The following MICAL2 variants were observed in gnomAD, a reference collection of about 807,000 sequenced individuals.
MICAL2 encodes microtubule associated monooxygenase, calponin and LIM domain containing 2, also known as [F-actin]-monooxygenase MICAL2.
In MICAL2, 77 loss-of-function variants were observed where a neutral mutation model predicts 127.3. The ratio of observed to expected loss-of-function variants is 0.60; its 90% CI spans 0.50 to 0.73. The LOEUF is 0.73. MICAL2 is among the 30% of genes least tolerant of loss of function. The pLI is 0.00. For missense variants in MICAL2, 1,351 were observed against 1,434.4 expected, an observed-to-expected ratio of 0.94 and a Z score of 0.94; for synonymous variants, 570 against 551.1, an observed-to-expected ratio of 1.03 and a Z score of -0.48.
At chr11:12,238,155 A>G (rs6485600) in intron 16 of MICAL2, among the ~76,000 whole-genome samples, 82,744 of 152,100 alleles carry the variant, frequency 0.54, 24,561 homozygotes, top group Middle Eastern at 0.8. Context: ...AAATGAACAC[A>G]TCTTTGTTGT....
chr11:12,310,518 T>C (rs1366425153), intron 29 of MICAL2, among the ~76,000 whole-genome samples: 1 of 152,242 alleles, frequency 6.6e-6, no homozygotes, highest in Non-Finnish European at 1.5e-5. Flanking sequence ...TTCTCTATTC[T>C]GTTCCATTGG....
intron 26 of MICAL2, chr11:12,260,779 C>G (rs997688312): frequency 2.0e-6 from 2 of 985,344 alleles, no homozygotes; most frequent in Non-Finnish European, 1.2e-6. Context: ...ATCTGTCCCC[C>G]TGGGAGGAGG....
At chr11:12,313,961 A>ATTTTTTTTTTTTT (rs60681621) in intron 29 of MICAL2, among the ~76,000 whole-genome samples, 4 of 43,778 alleles carry the variant, frequency 9.1e-5, no homozygotes, top group African/African-American at 2.8e-4. Flanking sequence ...TCTTGGTCTG[A>ATTTTTTTTTTTTT]TTTTTTTTTT....
At chr11:12,317,791 C>A (rs80311830) in intron 29 of MICAL2, among the ~76,000 whole-genome samples, 143 of 130,670 alleles carry the variant, frequency 1.1e-3, no homozygotes, top group Non-Finnish European at 9.5e-4. Context: ...GACTCCGTCT[C>A]AAAAAAAAAA....
chr11:12,323,836 G>A, intron 30 of MICAL2: 2 of 959,386 alleles, frequency 2.1e-6, no homozygotes, highest in Admixed American at 6.2e-5. Context: ...ATTGCAGAGA[G>A]TTCTACCAGA....
downstream of MICAL2, among the ~76,000 whole-genome samples, chr11:12,291,559 G>A (rs1315952398): frequency 1.3e-5 from 2 of 152,152 alleles, no homozygotes; most frequent in African/African-American, 2.4e-5. Flanking sequence ...GCTTGGCATG[G>A]GCCCACTCCA....
chr11:12,151,824 G>A (rs1387182606), intron 2 of MICAL2, among the ~76,000 whole-genome samples: 1 of 152,196 alleles, frequency 6.6e-6, no homozygotes, highest in African/African-American at 2.4e-5. Context: ...GGTCCAGGAG[G>A]AAGGAGCGGT....
At chr11:12,179,552 G>A (rs933524881) in intron 3 of MICAL2, among the ~76,000 whole-genome samples, 1 of 152,024 alleles carries the variant, frequency 6.6e-6, no homozygotes, top group African/African-American at 2.4e-5. Flanking sequence ...CCCATCCTTA[G>A]CCAATGCCTG....
At chr11:12,331,522 C>T (rs1864428514) in intron 32 of MICAL2, among the ~76,000 whole-genome samples, 4 of 152,144 alleles carry the variant, frequency 2.6e-5, no homozygotes, top group Admixed American at 2.6e-4. Context: ...GCGAAAGCCT[C>T]TCCAGGACCG....
intron 10 of MICAL2, 49 bp from the exon 11 acceptor site, chr11:12,222,568 C>A: frequency 6.2e-7 from 1 of 1,612,752 alleles, no homozygotes; most frequent in Non-Finnish European, 8.5e-7. Flanking sequence ...GGGACAAGGC[C>A]TGAGGTGGCA....
chr11:12,321,351 G>T (rs140228603), intron 30 of MICAL2, among the ~76,000 whole-genome samples: 318 of 152,274 alleles, frequency 2.1e-3, no homozygotes, highest in African/African-American at 7.5e-3. Context: ...TCTATCCCAT[G>T]CAGGTGTGTC....
intron 2 of MICAL2, among the ~76,000 whole-genome samples, chr11:12,141,954 C>T (rs1012446150): frequency 1.5e-4 from 23 of 152,312 alleles, no homozygotes; most frequent in South Asian, 6.2e-4. Flanking sequence ...CTGAAAAGAA[C>T]GACAGATCCT....
rs753699479 is a variant in MICAL2 at position 12,220,351 on chromosome 11, G to A, written c.1099G>A (p.Ala367Thr). The A allele has an allele frequency of 7.4e-6, 12 of 1,614,118 alleles. No individual in the cohort carries two copies. Among genetic ancestry groups the A allele is most frequent in the African/African-American group, 6.7e-5 (5 of 74,942 alleles). ...GAACCACTATGGGCAGCCTGATGTG[G>A]CCATGTTTGACTTTACCTGCATGTA... The part of the protein sequence containing the change: ...AMNHYGQPDV[A>T]MFDFTCMYAS... The change falls in exon 9 of 28, where the codon GCC (alanine) becomes ACC (threonine). Residue 367 changes from alanine (A) to threonine (T), a missense_variant. By Grantham distance (58) the Ala-to-Thr change is moderately conservative. Around this residue, in one of 2 missense-constraint regions of MICAL2, gnomAD observed 599 missense variants for 714.9 expected, o/e 0.84. Coordinates refer to ENST00000683283, the MANE Select transcript of MICAL2 (RefSeq NM_001282663.2).
At chr11:12,119,148 G>C (rs1850294463) in intron 1 of MICAL2, among the ~76,000 whole-genome samples, 1 of 152,104 alleles carries the variant, frequency 6.6e-6, no homozygotes, top group South Asian at 2.1e-4. Context: ...CCTGGGCTCT[G>C]GGTTCCCCCC....
intron 34 of MICAL2, among the ~76,000 whole-genome samples, chr11:12,357,374 T>G (rs139038092): frequency 0.016 from 2,447 of 152,118 alleles, 27 homozygotes; most frequent in South Asian, 0.025. Flanking sequence ...CAATCCTATC[T>G]CCCCCAGGCA....
At chr11:12,259,765 C>A in intron 25 of MICAL2, 30 bp from the exon 26 acceptor site, 1 of 1,517,988 alleles carries the variant, frequency 6.6e-7, no homozygotes, top group South Asian at 1.3e-5. Flanking sequence ...GACTTACAGA[C>A]AAATGCCCTC....
chr11:12,324,822 G>A (rs527907273), intron 31 of MICAL2, among the ~76,000 whole-genome samples: 2 of 152,136 alleles, frequency 1.3e-5, no homozygotes, highest in Non-Finnish European at 1.5e-5. Context: ...ACCCTTCCCC[G>A]TGGCTGACTT....
intron 1 of MICAL2, among the ~76,000 whole-genome samples, chr11:12,135,483 C>T (rs979447944): frequency 9.9e-5 from 15 of 152,162 alleles, no homozygotes; most frequent in African/African-American, 3.6e-4. Context: ...CAGACATCAC[C>T]TCCAAGCACC....
chr11:12,294,002 T>C (rs765436577), downstream of MICAL2: 1 of 1,614,152 alleles, frequency 6.2e-7, no homozygotes, highest in Non-Finnish European at 8.5e-7. Flanking sequence ...GAAGACCATG[T>C]TGTTGGATTG....
Sources: allele counts gnomAD v4.1 joint callset (sites outside exome capture counted in the v4.1 genomes callset), GRCh38; gene constraint gnomAD v4.1.1; regional missense constraint gnomAD v4.1.1; transcripts MANE v1.5; gene names NCBI Gene and HGNC (gene_info 2026-07-23, HGNC 2026-07-21).